FURIN: variants seen among roughly 807,000 people sequenced by gnomAD.
FURIN encodes the protein furin, paired basic amino acid cleaving enzyme.
Under a neutral mutation model 89.2 loss-of-function variants are expected in FURIN, and 18 were observed. The ratio of observed to expected loss-of-function variants is 0.20; its 90% CI spans 0.14 to 0.30. The LOEUF is 0.30. FURIN is among the 10% of genes least tolerant of loss of function. FURIN has a pLI of 1.00. For synonymous variants in FURIN, 508 were observed against 466.4 expected, an observed-to-expected ratio of 1.09 and a Z score of -1.15; for missense variants, 879 against 1,100.5, an observed-to-expected ratio of 0.80 and a Z score of 2.85.
chr15:90,880,224 A>G lies in FURIN; in HGVS notation c.1507A>G (p.Ile503Val), dbSNP rs755756762. The G allele has an allele frequency of 2.5e-6, 4 of 1,612,260 alleles. No homozygotes were observed. In the East Asian group the frequency reaches 8.9e-5, roughly 36 times the overall value. The stretch of plus-strand genomic sequence containing the variant: ...CTATAATCGCCGTGGCGACCTGGCC[A>G]TCCACCTGGTCAGCCCCATGGGCAC... Reference protein sequence around the residue: ...LSYNRRGDLAIHLVSPMGTRS... With the variant: ...LSYNRRGDLAVHLVSPMGTRS... The change falls in exon 13 of 16, where the codon ATC (isoleucine) becomes GTC (valine). Residue 503 changes from isoleucine to valine, a missense_variant. Physicochemically the swap from Ile to Val is conservative, Grantham distance 29. Coordinates refer to ENST00000268171, the MANE Select transcript of FURIN (RefSeq NM_002569.4).
At position 90,881,926 on chromosome 15, in the gene FURIN, T is replaced by G. The variant is rs921312296; in HGVS notation, c.*48T>G. ...AAGCCAATCCCCTCCTTGGGCACTTTTTAATTCACCAAAGTATTTTTTTAT... is the reference window on the plus strand; with the variant it reads ...AAGCCAATCCCCTCCTTGGGCACTTGTTAATTCACCAAAGTATTTTTTTAT... On this transcript the variant is annotated 3_prime_UTR_variant, in exon 16 of 16. Transcript: ENST00000268171. The surrounding 1 kb of genome is among the most constrained non-coding windows in gnomAD (Gnocchi z 4.3). 1.5e-6 allele frequency: 2 copies of G among 1,295,820 alleles called. No individual in the cohort carries two copies. The highest frequency in any genetic ancestry group is 3.0e-5 in the African/African-American group (2 of 67,488). 80.3% of individuals were successfully genotyped at this position (1,295,820 alleles called of 1,614,324 possible). A position where few individuals can be genotyped will look rare whatever the true frequency, so the allele number is the denominator to read the frequency against.
At chr15:90,870,471 A>G (rs2031231909) in intron 1 of FURIN, among the ~76,000 whole-genome samples, 1 of 150,206 alleles carries the variant, frequency 6.7e-6, no homozygotes, top group Admixed American at 6.7e-5. Flanking sequence ...CACTCAGTGG[A>G]TTTTTTTTTT....
rs2031330749 is a variant in FURIN at position 90,871,952 on chromosome 15, GC to G, written c.-160+3244del. 9.2e-5 allele frequency among the ~76,000 whole-genome samples: 14 copies of G among 151,460 alleles called. No homozygotes were observed. In the South Asian group the frequency reaches 2.9e-3, roughly 31 times the overall value. The stretch of plus-strand genomic sequence containing the variant: ...ACTTTTCCGCGTGGGGCCAGGGCGA[GC>G]CCTCTGACCTCAGGAAGCGCCTGCG... On this transcript the variant is annotated intron_variant, in intron 1 of 15. Coordinates refer to ENST00000268171, the MANE Select transcript of FURIN (RefSeq NM_002569.4).
chr15:90,878,626 G>C, intron 8 of FURIN, 138 bp from the exon 9 acceptor site: 1 of 614,466 alleles, frequency 1.6e-6, no homozygotes, highest in South Asian at 2.0e-5. Context: ...ATACATACTT[G>C]ATCCACCAGG....
At chr15:90,870,959 G>A (rs1045407221) in intron 1 of FURIN, among the ~76,000 whole-genome samples, 11 of 151,832 alleles carry the variant, frequency 7.2e-5, no homozygotes, top group Non-Finnish European at 1.3e-4. Flanking sequence ...TGTCTAAAAA[G>A]AAAAAAAAGC....
Position 90,880,086 on chromosome 15 carries a change from C to A in FURIN, c.1377-8C>A. 3 of 1,604,736 alleles carry A rather than the reference C, an allele frequency of 1.9e-6. No homozygotes were observed. The highest frequency in any genetic ancestry group is 2.6e-6 in the Non-Finnish European group (3 of 1,174,112). ...CCAGGCTGACCATCATGGTGCTCTC[C>A]TGCACAGAGACATCGGGAAACGGCT... On this transcript the variant is annotated splice_region_variant and splice_polypyrimidine_tract_variant and intron_variant, in intron 12 of 15. Coordinates refer to ENST00000268171, the MANE Select transcript of FURIN (RefSeq NM_002569.4).
Position 90,881,181 on chromosome 15 carries a change from G to A in FURIN, c.1793-105G>A. 9.0e-7 allele frequency: 1 copy of A among 1,117,276 alleles called. No homozygotes were observed. Among genetic ancestry groups the A allele is most frequent in the Non-Finnish European group, 1.3e-6 (1 of 761,852 alleles). The allele number at this position is 1,117,276 out of a possible 1,614,324, so 69.2% of individuals were successfully genotyped here. A position where few individuals can be genotyped will look rare whatever the true frequency, so the allele number is the denominator to read the frequency against. On this transcript the variant is annotated intron_variant, in intron 15 of 15. Transcript: ENST00000268171. The surrounding 1 kb of genome is among the most constrained non-coding windows in gnomAD (Gnocchi z 4.3). ...CTCTTGGGATGACCACAGTCCTGGGGCTGGAGGATCCTGGGGATGTGGTGA... is the reference window on the plus strand; with the variant it reads ...CTCTTGGGATGACCACAGTCCTGGGACTGGAGGATCCTGGGGATGTGGTGA...
chr15:90,877,016 G>A lies in FURIN; in HGVS notation c.493G>A (p.Gly165Ser), dbSNP rs759896581. Reference sequence around the variant, plus strand: ...CGAGAAGAACCACCCGGACTTGGCAGGCAATTATGTGAGGAAGTCGGGGAG... The same window carrying A: ...CGAGAAGAACCACCCGGACTTGGCAAGCAATTATGTGAGGAAGTCGGGGAG... ...GIEKNHPDLA[G>S]NYDPGASFDV... Residue 165 changes from glycine to serine, a missense_variant, in exon 5 of 16, where the codon GGC (glycine) becomes AGC (serine). By Grantham distance (56) the Gly-to-Ser change is moderately conservative (BLOSUM62 0). Coordinates refer to ENST00000268171, the MANE Select transcript of FURIN (RefSeq NM_002569.4). The A allele has an allele frequency of 1.2e-6, 2 of 1,614,194 alleles. No individual in the cohort carries two copies. The highest frequency in any genetic ancestry group is 1.7e-6 in the Non-Finnish European group (2 of 1,180,046).
At position 90,879,901 on chromosome 15, in the gene FURIN, A is replaced by C. The variant is rs1596078535; in HGVS notation, c.1293A>C (p.Ala431=). 1 of 1,613,456 alleles carries C rather than the reference A, an allele frequency of 6.2e-7. No individual in the cohort carries two copies. Among genetic ancestry groups the C allele is most frequent in the Non-Finnish European group, 8.5e-7 (1 of 1,179,994 alleles). ...CATATGGCTACGGGCTTTTGGACGCAGGCGCCATGGTGGCCCTGGCCCAGA... is the reference window on the plus strand; with the variant it reads ...CATATGGCTACGGGCTTTTGGACGCCGGCGCCATGGTGGCCCTGGCCCAGA... ...SHSYGYGLLD[A]GAMVALAQNW... The change falls in exon 12 of 16, where the codon GCA becomes GCC. Residue 431 remains alanine, a synonymous_variant. Coordinates refer to ENST00000268171, the MANE Select transcript of FURIN (RefSeq NM_002569.4).
chr15:90,878,821 C>T lies in FURIN; in HGVS notation c.898C>T (p.His300Tyr). The part of the protein sequence containing the change: ...VWASGNGGRE[H>Y]DSCNCDGYTN... ...GGCCTCGGGGAACGGGGGCCGGGAA[C>T]ATGACAGCTGCAACTGCGACGGCTA... Residue 300 changes from histidine to tyrosine, a missense_variant, in exon 9 of 16, where the codon CAT (histidine) becomes TAT (tyrosine). Transcript: ENST00000268171. The T allele has an allele frequency of 6.2e-7, 1 of 1,612,718 alleles. No homozygotes were observed. The highest frequency in any genetic ancestry group is 8.5e-7 in the Non-Finnish European group (1 of 1,179,282).
intron 1 of FURIN, among the ~76,000 whole-genome samples, chr15:90,870,622 T>C (rs1364237304): frequency 2.6e-5 from 4 of 152,100 alleles, no homozygotes; most frequent in Non-Finnish European, 5.9e-5. Flanking sequence ...CTGGCCACAT[T>C]TTCCTTCTTT....
chr15:90,879,325 C>T, intron 9 of FURIN, 119 bp from the exon 10 acceptor site: 4 of 778,802 alleles, frequency 5.1e-6, no homozygotes, highest in South Asian at 4.8e-5. Flanking sequence ...GGGTTCTTGG[C>T]CCTGGCTCCC....
chr15:90,875,067 T>A (rs8032315), intron 1 of FURIN, among the ~76,000 whole-genome samples: 41,911 of 144,480 alleles, frequency 0.29, 6,478 homozygotes, highest in Non-Finnish European at 0.32. Flanking sequence ...GGAGTATCGT[T>A]CTGTCGCACA....
intron 13 of FURIN, 61 bp from the exon 14 acceptor site, chr15:90,880,630 T>C: frequency 6.4e-7 from 1 of 1,555,838 alleles, no homozygotes; most frequent in South Asian, 1.2e-5. Flanking sequence ...TGCTGTGGGT[T>C]AGATGTCCCT....
rs374763290 is a variant in FURIN, at chr15:90,882,166, C to T, written c.*288C>T. 1.6e-4 allele frequency: 64 copies of T among 410,472 alleles called. 2 individuals are homozygous for T. The highest frequency in any genetic ancestry group is 7.8e-4 in the Admixed American group (18 of 23,206). The allele number at this position is 410,472 out of a possible 1,614,324, so 25.4% of individuals were successfully genotyped here. Reference sequence around the variant, plus strand: ...GCCCCGGCCCCAGCCAGAGTTCCTGCGGAGTGAAGAGGGGCAGCCCTTGCT... The same window carrying T: ...GCCCCGGCCCCAGCCAGAGTTCCTGTGGAGTGAAGAGGGGCAGCCCTTGCT... On this transcript the variant is annotated 3_prime_UTR_variant, in exon 16 of 16. Transcript: ENST00000268171.
chr15:90,869,488 C>G (rs1008793774), intron 1 of FURIN, among the ~76,000 whole-genome samples: 3 of 152,230 alleles, frequency 2.0e-5, no homozygotes, highest in African/African-American at 7.2e-5. Context: ...AATACAATCT[C>G]ATGTGAAACC....
chr15:90,870,882 G>A (rs1454394849), intron 1 of FURIN, among the ~76,000 whole-genome samples: 2 of 152,162 alleles, frequency 1.3e-5, no homozygotes, highest in Non-Finnish European at 2.9e-5. Flanking sequence ...GGATTATGTG[G>A]ATTAAATCAT....
intron 9 of FURIN, 75 bp downstream of exon 9, chr15:90,879,051 G>T: frequency 2.1e-6 from 2 of 948,662 alleles, no homozygotes; most frequent in Non-Finnish European, 3.2e-6. Flanking sequence ...TCTTTTGGAG[G>T]CTGTCTGCCT....
intron 9 of FURIN, among the ~76,000 whole-genome samples, 192 bp from the exon 10 acceptor site, chr15:90,879,252 G>A (rs2031805043): frequency 6.6e-6 from 1 of 152,186 alleles, no homozygotes; most frequent in Non-Finnish European, 1.5e-5. Flanking sequence ...GGAAAATGAG[G>A]CCCAGGAGGG....
Sources: gnomAD v4.1 joint callset for allele counts (sites outside exome capture counted in the v4.1 genomes callset) on GRCh38, gnomAD v4.1.1 for gene constraint, Gnocchi (gnomAD v3.1) non-coding constraint, MANE v1.5 for transcripts, NCBI Gene and HGNC (gene_info 2026-07-23, HGNC 2026-07-21) for gene names.